Variants in SORCS3 observed in about 807,000 individuals in gnomAD.
SORCS3 encodes VPS10 domain-containing receptor SorCS3.
SORCS3 carries 57 observed loss-of-function variants against 146.3 expected under a neutral mutation model. The observed-to-expected ratio is 0.39, with a 90% CI of 0.31 to 0.49. The LOEUF is 0.49. SORCS3 is among the 20% of genes least tolerant of loss of function. The pLI is 0.92. For synonymous variants in SORCS3, 653 were observed against 618.5 expected, an observed-to-expected ratio of 1.06 and a Z score of -0.83; for missense variants, 1,341 against 1,575.5, an observed-to-expected ratio of 0.85 and a Z score of 2.52.
At chr10:104,838,831 A>G (rs1465780405) in intron 1 of SORCS3, among the ~76,000 whole-genome samples, 5 of 151,976 alleles carry the variant, frequency 3.3e-5, no homozygotes, top group Admixed American at 3.3e-4. Context: ...CTCAGGGTCC[A>G]TCGAGTCAGA....
chr10:104,690,375 G>A (rs954302472), intron 1 of SORCS3, among the ~76,000 whole-genome samples: 2 of 152,144 alleles, frequency 1.3e-5, no homozygotes, highest in South Asian at 2.1e-4. Context: ...CCCACTGAGC[G>A]GTGAAGAATG....
chr10:104,819,896 C>T (rs2017853106), intron 1 of SORCS3, among the ~76,000 whole-genome samples: 1 of 152,160 alleles, frequency 6.6e-6, no homozygotes, highest in South Asian at 2.1e-4. Flanking sequence ...ACTTCCAGAG[C>T]CAAGATTGCT....
intron 1 of SORCS3, among the ~76,000 whole-genome samples, chr10:104,712,567 C>A (rs2016431347): frequency 1.3e-5 from 2 of 152,188 alleles, no homozygotes; most frequent in Non-Finnish European, 2.9e-5. Context: ...CCTTTCTTGT[C>A]ATAGGTGAGC....
chr10:104,928,305 A>T (rs2019170936), intron 3 of SORCS3, among the ~76,000 whole-genome samples: 1 of 151,996 alleles, frequency 6.6e-6, no homozygotes, highest in Admixed American at 6.6e-5. Flanking sequence ...TAAGCATCCC[A>T]CTCTGTCCTC....
At chr10:105,074,613 A>G (rs2055577542) in intron 5 of SORCS3, among the ~76,000 whole-genome samples, 1 of 152,122 alleles carries the variant, frequency 6.6e-6, no homozygotes, top group South Asian at 2.1e-4. Context: ...TGGGGCTACT[A>G]TGGTTATTGT....
intron 3 of SORCS3, among the ~76,000 whole-genome samples, chr10:104,952,196 C>T (rs1007378255): frequency 1.6e-5 from 2 of 128,422 alleles, no homozygotes; most frequent in East Asian, 2.6e-4. Context: ...CACTCTTTGT[C>T]GGACCCAAAT....
intron 1 of SORCS3, among the ~76,000 whole-genome samples, chr10:104,776,525 G>A (rs2017309808): frequency 6.6e-6 from 1 of 151,916 alleles, no homozygotes; most frequent in Non-Finnish European, 1.5e-5. Context: ...TCTTTTTCAG[G>A]TCACACTCTG....
intron 2 of SORCS3, among the ~76,000 whole-genome samples, chr10:104,875,735 C>T (rs1411798284): frequency 6.6e-6 from 1 of 152,124 alleles, no homozygotes; most frequent in Non-Finnish European, 1.5e-5. Context: ...TAGATGGTCT[C>T]ATGGGCTCAA....
At chr10:104,698,527 C>CCATT (rs1465486812) in intron 1 of SORCS3, among the ~76,000 whole-genome samples, 2 of 152,132 alleles carry the variant, frequency 1.3e-5, no homozygotes, top group South Asian at 4.1e-4. Flanking sequence ...CTGTTGCTGA[C>CCATT]CATTCTCTTT....
intron 10 of SORCS3, among the ~76,000 whole-genome samples, chr10:105,158,480 T>C (rs2056231434): frequency 6.6e-6 from 1 of 152,180 alleles, no homozygotes; most frequent in African/African-American, 2.4e-5. Context: ...TAGCTTCCAC[T>C]CTTCACTCCT....
intron 1 of SORCS3, among the ~76,000 whole-genome samples, chr10:104,686,614 C>T (rs2016046311): frequency 6.6e-6 from 1 of 152,040 alleles, no homozygotes; most frequent in Non-Finnish European, 1.5e-5. Flanking sequence ...CCACACAAGT[C>T]TTCTCTCTCC....
At chr10:105,088,977 A>G (rs983253272) in intron 5 of SORCS3, among the ~76,000 whole-genome samples, 2 of 152,168 alleles carry the variant, frequency 1.3e-5, no homozygotes, top group Non-Finnish European at 2.9e-5. Flanking sequence ...TCTTTAGTAA[A>G]TGAGTTTTTA....
rs184760914 is a variant in SORCS3, at chr10:104,890,713, C to T, written c.696-25120C>T. 4.9e-4 allele frequency among the ~76,000 whole-genome samples: 75 copies of T among 152,302 alleles called. 1 individual carries two copies. The East Asian group carries it at 0.013, about 27-fold the overall frequency. On this transcript the variant is annotated intron_variant, in intron 2 of 26. Transcript: ENST00000369701. ...GTTTTGTCAACATTGGTAATATTGA[C>T]ATTTTTCAGTGGCTAATAATTTTTG...
At chr10:104,755,545 G>C (rs144856944) in intron 1 of SORCS3, among the ~76,000 whole-genome samples, 2 of 152,284 alleles carry the variant, frequency 1.3e-5, no homozygotes, top group African/African-American at 4.8e-5. Context: ...GAGTAGTTAA[G>C]GAAAACCTAG....
chr10:105,109,839 G>A lies in SORCS3; in HGVS notation c.1212+4324G>A, dbSNP rs76287342. 1.1e-4 allele frequency among the ~76,000 whole-genome samples: 17 copies of A among 151,980 alleles called. No homozygotes were observed. In the East Asian group the frequency reaches 3.3e-3, roughly 29 times the overall value. On this transcript the variant is annotated intron_variant, in intron 7 of 26. Coordinates refer to ENST00000369701, the MANE Select transcript of SORCS3 (RefSeq NM_014978.3). ...TTTGATACCAATTACTCATTAGTTA[G>A]CATATGCCTTGTGGTTGGCCATAAT...
intron 1 of SORCS3, among the ~76,000 whole-genome samples, chr10:104,765,469 G>T (rs1327430873): frequency 2.0e-5 from 3 of 152,176 alleles, no homozygotes; most frequent in Non-Finnish European, 4.4e-5. Context: ...TGACCTCTCA[G>T]GGTTGTTGAG....
chr10:105,236,520 A>C (rs1298733641), intron 20 of SORCS3, among the ~76,000 whole-genome samples: 1 of 152,124 alleles, frequency 6.6e-6, no homozygotes, highest in Non-Finnish European at 1.5e-5. Flanking sequence ...TTCTTGTTCT[A>C]GCTCATTTAC....
intron 13 of SORCS3, among the ~76,000 whole-genome samples, chr10:105,177,355 C>T (rs1564776554): frequency 6.6e-6 from 1 of 152,120 alleles, no homozygotes; most frequent in Non-Finnish European, 1.5e-5. Context: ...TTGGGCTATG[C>T]CCCCTGGTTA....
chr10:104,991,511 T>A (rs1283134295), intron 4 of SORCS3, among the ~76,000 whole-genome samples: 1 of 151,486 alleles, frequency 6.6e-6, no homozygotes, highest in Non-Finnish European at 1.5e-5. Context: ...TCCTTTTTTT[T>A]TTTTTTTTGA....
Sources: gnomAD v4.1 joint callset for allele counts (sites outside exome capture counted in the v4.1 genomes callset) on GRCh38, gnomAD v4.1.1 for gene constraint, MANE v1.5 for transcripts, NCBI Gene and HGNC (gene_info 2026-07-23, HGNC 2026-07-21) for gene names.